The following COL23A1 variants were observed in gnomAD, a reference collection of about 807,000 sequenced individuals.
COL23A1 encodes the protein collagen type XXIII alpha 1 chain, also known as collagen alpha-1(XXIII) chain.
A neutral mutation model predicts 99.3 loss-of-function variants in COL23A1; 97 were observed. The ratio of observed to expected loss-of-function variants is 0.98; its 90% CI spans 0.83 to 1.16. The LOEUF (loss-of-function observed/expected upper bound fraction) is 1.16. Among genes scored for constraint, COL23A1 ranks in the 50% most tolerant of loss-of-function variants. The probability of loss-of-function intolerance (pLI) is 0.00; values close to 1 mark genes in which losing one functional copy is unlikely to be tolerated. For synonymous variants in COL23A1, 320 were observed against 308.2 expected (o/e 1.04, Z -0.40); for missense variants, 762 against 757.4 (o/e 1.01, Z -0.07).
chr5:178,293,906 G>A (rs1216181050), intron 3 of COL23A1, among the ~76,000 whole-genome samples: 1 of 152,054 alleles, frequency 6.6e-6, no homozygotes, highest in Non-Finnish European at 1.5e-5. Flanking sequence ...CAGAGGAGAG[G>A]AGGCCACGGA....
chr5:178,539,388 AAC>A (rs1295496270), intron 2 of COL23A1, among the ~76,000 whole-genome samples: 1 of 151,976 alleles, frequency 6.6e-6, no homozygotes, highest in African/African-American at 2.4e-5. Flanking sequence ...CTCTACTAAA[AAC>A]ACAAAAATTA....
chr5:178,582,844 G>C (rs1177719138), intron 1 of COL23A1, among the ~76,000 whole-genome samples: 3 of 152,220 alleles, frequency 2.0e-5, no homozygotes, highest in Non-Finnish European at 4.4e-5. Flanking sequence ...CCAGGAAGCT[G>C]ATGAAAGTGG....
At chr5:178,301,720 C>T (rs1266959695) in intron 3 of COL23A1, among the ~76,000 whole-genome samples, 1 of 152,220 alleles carries the variant, frequency 6.6e-6, no homozygotes. Flanking sequence ...CAGAGATTTC[C>T]TTGAATGCCT....
At chr5:178,258,203 C>G (rs1765413324) in intron 12 of COL23A1, among the ~76,000 whole-genome samples, 1 of 145,738 alleles carries the variant, frequency 6.9e-6, no homozygotes. Context: ...CACTGCATCA[C>G]AGCTTGGGTG....
chr5:178,336,308 C>T (rs1468587492), intron 2 of COL23A1, among the ~76,000 whole-genome samples: 1 of 152,208 alleles, frequency 6.6e-6, no homozygotes, highest in African/African-American at 2.4e-5. Context: ...CAGCATTATT[C>T]ACAACAGCCG....
chr5:178,262,121 C>T (rs1480099020), intron 10 of COL23A1, 96 bp downstream of exon 10: 18 of 1,316,924 alleles, frequency 1.4e-5, no homozygotes, highest in South Asian at 3.8e-5. Flanking sequence ...AACATGTGCG[C>T]GTGACCCTGC....
At chr5:178,254,927 C>G in intron 16 of COL23A1, 22 bp downstream of exon 16, 1 of 1,601,302 alleles carries the variant, frequency 6.2e-7, no homozygotes, top group Non-Finnish European at 8.5e-7. Context: ...AAGGCACATC[C>G]TGGTCCCACC....
chr5:178,406,776 G>A lies in COL23A1; in HGVS notation c.362-99857C>T, dbSNP rs1764788352. Among the ~76,000 whole-genome samples the A allele has an allele frequency of 2.0e-5, 3 of 152,138 alleles. No individual in the cohort carries two copies. The South Asian group carries it at 6.2e-4, about 31-fold the overall frequency. Reference sequence around the variant, plus strand: ...TTAAAATAATATTGGGATTCACGTGGAGAAAACACATATGATAGCTTTGAT... The same window carrying A: ...TTAAAATAATATTGGGATTCACGTGAAGAAAACACATATGATAGCTTTGAT... On this transcript the variant is annotated intron_variant, in intron 2 of 28. Coordinates refer to ENST00000390654, the MANE Select transcript of COL23A1 (RefSeq NM_173465.4).
chr5:178,357,165 C>A (rs1761703237), intron 2 of COL23A1, among the ~76,000 whole-genome samples: 1 of 152,236 alleles, frequency 6.6e-6, no homozygotes, highest in African/African-American at 2.4e-5. Context: ...GGGTTCCCTC[C>A]CTGGTGACCT....
intron 2 of COL23A1, among the ~76,000 whole-genome samples, chr5:178,474,942 C>A (rs551228563): frequency 6.6e-6 from 1 of 152,224 alleles, no homozygotes; most frequent in Admixed American, 6.5e-5. Flanking sequence ...CCTCTGAAGG[C>A]TTAGGGGAGA....
chr5:178,565,989 G>C (rs929162380), intron 1 of COL23A1, among the ~76,000 whole-genome samples: 2 of 151,452 alleles, frequency 1.3e-5, no homozygotes, highest in Admixed American at 6.6e-5. Flanking sequence ...TTAGCCGGGC[G>C]TAGTGGCACA....
In COL23A1 at chr5:178,410,860, C is replaced by T. The variant is rs556762221; in HGVS notation, c.362-103941G>A. Among the ~76,000 whole-genome samples, 54 of 152,144 alleles carry T rather than the reference C, an allele frequency of 3.5e-4. No homozygotes were observed. In the East Asian group the frequency reaches 5.0e-3, roughly 14 times the overall value. On this transcript the variant is annotated intron_variant, in intron 2 of 28. Transcript: ENST00000390654. ...CATACAGAATGCAAGAATACATTTT[C>T]AAATCATATATCTGACAATACTAAT...
At chr5:178,481,830 A>G (rs182318892) in intron 2 of COL23A1, among the ~76,000 whole-genome samples, 11 of 139,858 alleles carry the variant, frequency 7.9e-5, no homozygotes, top group African/African-American at 3.0e-4. Flanking sequence ...CAGTGAGAAC[A>G]CTTGGACACA....
chr5:178,370,957 A>G (rs952505220), intron 2 of COL23A1, among the ~76,000 whole-genome samples: 1 of 152,118 alleles, frequency 6.6e-6, no homozygotes, highest in African/African-American at 2.4e-5. Flanking sequence ...GAAAAGATCT[A>G]TTGTATAACA....
chr5:178,247,437 C>T lies in COL23A1; in HGVS notation c.1296+89G>A, dbSNP rs1479254802. 2.7e-6 allele frequency: 4 copies of T among 1,465,632 alleles called. No individual in the cohort carries two copies. The African/African-American group carries it at 5.6e-5, about 20-fold the overall frequency. 90.8% of individuals were successfully genotyped at this position (1,465,632 alleles called of 1,614,324 possible). ...TCAGGGATGGGCCAGGGCGGAGCGT[C>T]AGGCCCTTTGCTTTGCCCATTGGCA... On this transcript the variant is annotated intron_variant, in intron 22 of 28. Coordinates refer to ENST00000390654, the MANE Select transcript of COL23A1 (RefSeq NM_173465.4).
chr5:178,329,486 C>T (rs1322296773), intron 2 of COL23A1, among the ~76,000 whole-genome samples: 2 of 152,178 alleles, frequency 1.3e-5, no homozygotes, highest in African/African-American at 4.8e-5. Context: ...CCTACCCACC[C>T]CCACCAGGAA....
At chr5:178,256,439 G>T in intron 14 of COL23A1, 42 bp from the exon 15 acceptor site, 1 of 1,582,136 alleles carries the variant, frequency 6.3e-7, no homozygotes, top group South Asian at 1.1e-5. Flanking sequence ...CAGCTGTGAA[G>T]CCAAAACACA....
rs1255191535 is a variant in COL23A1, at chr5:178,308,194, T to A, written c.362-1275A>T. 6.6e-6 allele frequency among the ~76,000 whole-genome samples: 1 copy of A among 151,946 alleles called. No homozygotes were observed. Among genetic ancestry groups the A allele is most frequent in the African/African-American group, 2.4e-5 (1 of 41,364 alleles). On this transcript the variant is annotated intron_variant, in intron 2 of 28. Coordinates refer to ENST00000390654, the MANE Select transcript of COL23A1 (RefSeq NM_173465.4). The surrounding 1 kb of genome is among the most constrained non-coding windows in gnomAD (Gnocchi z 5.1). ...AGGGAAGGGGAGGAGGGAGGGCCAG[T>A]CTCTGAGAAACAGCGAGAGAGAAGA...
chr5:178,248,838 G>T (rs923058943), intron 19 of COL23A1, among the ~76,000 whole-genome samples: 1 of 152,228 alleles, frequency 6.6e-6, no homozygotes, highest in Admixed American at 6.5e-5. Flanking sequence ...GTCAGAGCAC[G>T]TGGCATAACC....
Sources: allele counts gnomAD v4.1 joint callset (sites outside exome capture counted in the v4.1 genomes callset), GRCh38; gene constraint gnomAD v4.1.1; non-coding constraint Gnocchi (gnomAD v3.1); transcripts MANE v1.5; gene names NCBI Gene and HGNC (gene_info 2026-07-23, HGNC 2026-07-21).